FBXL17: variants seen among roughly 807,000 people sequenced by gnomAD.
FBXL17 encodes the protein F-box and leucine rich repeat protein 17, also known as F-box/LRR-repeat protein 17.
FBXL17 carries 22 observed loss-of-function variants against 66.2 expected under a neutral mutation model. The ratio of observed to expected loss-of-function variants is 0.33; its 90% CI spans 0.24 to 0.47. The LOEUF (loss-of-function observed/expected upper bound fraction) is 0.47. FBXL17 is among the 20% of genes least tolerant of loss of function. FBXL17 has a pLI of 1.00. For synonymous variants in FBXL17, 474 were observed against 400.5 expected, an observed-to-expected ratio of 1.18 and a Z score of -2.19; for missense variants, 878 against 948.2, an observed-to-expected ratio of 0.93 and a Z score of 0.97.
intron 6 of FBXL17, among the ~76,000 whole-genome samples, chr5:108,036,363 G>A (rs1746839879): frequency 6.6e-6 from 1 of 152,178 alleles, no homozygotes; most frequent in Non-Finnish European, 1.5e-5. Flanking sequence ...GCGTGGCTGA[G>A]TCAGGGTGTC....
chr5:108,054,139 A>G (rs1329553371), intron 6 of FBXL17, among the ~76,000 whole-genome samples: 1 of 152,000 alleles, frequency 6.6e-6, no homozygotes, highest in African/African-American at 2.4e-5. Context: ...GAGGGAACTT[A>G]GAGGATGGGA....
chr5:108,355,587 A>T (rs990768520), intron 3 of FBXL17, among the ~76,000 whole-genome samples: 1 of 152,086 alleles, frequency 6.6e-6, no homozygotes, highest in Non-Finnish European at 1.5e-5. Context: ...CCAGCCAGAA[A>T]ACTTTAAAAT....
chr5:108,139,926 A>C (rs1751286386), intron 6 of FBXL17, among the ~76,000 whole-genome samples: 1 of 151,994 alleles, frequency 6.6e-6, no homozygotes, highest in Non-Finnish European at 1.5e-5. Flanking sequence ...TCTCACTTAC[A>C]TCTCTCTCTT....
chr5:108,037,383 G>C, intron 6 of FBXL17, among the ~76,000 whole-genome samples: 1 of 152,136 alleles, frequency 6.6e-6, no homozygotes, highest in Non-Finnish European at 1.5e-5. Flanking sequence ...CAATGTGAGA[G>C]TAAATACCAT....
At chr5:108,068,469 C>T (rs1395568916) in intron 6 of FBXL17, among the ~76,000 whole-genome samples, 14 of 81,454 alleles carry the variant, frequency 1.7e-4, no homozygotes, top group South Asian at 3.9e-4. Context: ...GGGGGGGGGG[C>T]GGGGGGAATG....
At chr5:108,176,239 T>G (rs1204553071) in intron 6 of FBXL17, among the ~76,000 whole-genome samples, 1 of 152,220 alleles carries the variant, frequency 6.6e-6, no homozygotes, top group East Asian at 1.9e-4. Flanking sequence ...CATTCTTTCC[T>G]ATAATTTAAA....
chr5:108,210,288 G>GT (rs1234285767), intron 5 of FBXL17, among the ~76,000 whole-genome samples: 1 of 152,040 alleles, frequency 6.6e-6, no homozygotes, highest in African/African-American at 2.4e-5. Context: ...TTTTTTGAAG[G>GT]TTTTTTCATG....
chr5:108,292,126 C>CTTT (rs34902962), intron 4 of FBXL17, among the ~76,000 whole-genome samples: 1 of 143,564 alleles, frequency 7.0e-6, no homozygotes, highest in Non-Finnish European at 1.5e-5. Flanking sequence ...AACGAAAAAG[C>CTTT]TTTTTTTTTT....
At chr5:108,239,729 G>A (rs1370622135) in intron 4 of FBXL17, among the ~76,000 whole-genome samples, 1 of 152,028 alleles carries the variant, frequency 6.6e-6, no homozygotes, top group African/African-American at 2.4e-5. Context: ...GCGGGAGCTG[G>A]GGGACCAAGG....
intron 7 of FBXL17, among the ~76,000 whole-genome samples, chr5:107,975,011 T>A (rs1490053627): frequency 2.0e-5 from 3 of 152,220 alleles, no homozygotes; most frequent in African/African-American, 4.8e-5. Context: ...CATTTATTTA[T>A]ATCAAAAGCC....
chr5:107,973,750 G>C (rs772899112), intron 7 of FBXL17, among the ~76,000 whole-genome samples: 2 of 151,318 alleles, frequency 1.3e-5, no homozygotes, highest in Non-Finnish European at 2.9e-5. Flanking sequence ...GAAAAACGCA[G>C]AATGGAATCT....
At chr5:108,277,481 A>G (rs999470159) in intron 4 of FBXL17, among the ~76,000 whole-genome samples, 3 of 152,224 alleles carry the variant, frequency 2.0e-5, no homozygotes, top group Non-Finnish European at 4.4e-5. Context: ...TAGAACCAAG[A>G]AAACCAGAAA....
At chr5:108,087,336 T>C (rs1366811566) in intron 6 of FBXL17, among the ~76,000 whole-genome samples, 1 of 152,182 alleles carries the variant, frequency 6.6e-6, no homozygotes, top group African/African-American at 2.4e-5. Flanking sequence ...AAGTAAGGAC[T>C]TGCAGCCAAC....
At chr5:108,226,970 T>G (rs2966800) in intron 4 of FBXL17, among the ~76,000 whole-genome samples, 113,736 of 151,778 alleles carry the variant, frequency 0.75, 42,990 homozygotes, top group East Asian at 0.93. Flanking sequence ...GCTCTCCTGG[T>G]ACTCTAGATT....
intron 6 of FBXL17, among the ~76,000 whole-genome samples, chr5:108,157,558 C>A (rs925906822): frequency 6.6e-6 from 1 of 150,380 alleles, no homozygotes; most frequent in African/African-American, 2.4e-5. Context: ...GGCTCAATAA[C>A]CAGTGAAATG....
chr5:108,290,320 T>C (rs534857896), intron 4 of FBXL17, among the ~76,000 whole-genome samples: 4 of 152,296 alleles, frequency 2.6e-5, no homozygotes, highest in South Asian at 4.1e-4. Flanking sequence ...CATGTCATTG[T>C]ACACAAAGAG....
intron 6 of FBXL17, among the ~76,000 whole-genome samples, chr5:108,122,778 C>A (rs1263219359): frequency 6.6e-6 from 1 of 152,148 alleles, no homozygotes; most frequent in East Asian, 1.9e-4. Flanking sequence ...CCACGAGGAA[C>A]TGCCCAGACA....
At chr5:108,321,953 A>C (rs866975257) in intron 4 of FBXL17, among the ~76,000 whole-genome samples, 3 of 151,988 alleles carry the variant, frequency 2.0e-5, no homozygotes, top group Non-Finnish European at 4.4e-5. Context: ...TACCATTCCC[A>C]AACAGATTCA....
At chr5:108,373,324 T>G (rs978387038) in intron 1 of FBXL17, among the ~76,000 whole-genome samples, 7 of 96,338 alleles carry the variant, frequency 7.3e-5, no homozygotes, top group African/African-American at 3.0e-4. Context: ...ATTAAATTTT[T>G]ATTAATATAT....
Sources: allele counts gnomAD v4.1 joint callset (sites outside exome capture counted in the v4.1 genomes callset), GRCh38; gene constraint gnomAD v4.1.1; transcripts MANE v1.5; gene names NCBI Gene and HGNC (gene_info 2026-07-23, HGNC 2026-07-21).